The following TAF1D variants were observed in gnomAD, a reference collection of about 807,000 sequenced individuals.
TAF1D encodes the protein TATA box-binding protein-associated factor RNA polymerase I subunit D.
In TAF1D, 23 loss-of-function variants were observed where a neutral mutation model predicts 26.2. That is an observed-to-expected ratio of 0.88 (90% CI 0.63 to 1.25). TAF1D has a LOEUF of 1.25. TAF1D is among the 50% of genes most tolerant of loss of function. The pLI is 0.00. For synonymous variants in TAF1D, 100 were observed against 105.6 expected, an observed-to-expected ratio of 0.95 and a Z score of 0.33; for missense variants, 299 against 322.0, an observed-to-expected ratio of 0.93 and a Z score of 0.55.
chr11:93,739,993 CCTT>C (rs1410587442), intron 1 of TAF1D, among the ~76,000 whole-genome samples: 1 of 142,668 alleles, frequency 7.0e-6, no homozygotes, highest in Non-Finnish European at 1.5e-5. Flanking sequence ...GAAAAAGATT[CCTT>C]CTTGTGAGCT....
At chr11:93,730,238 T>C in exon 12 of TAF1D, 3 of 1,551,116 alleles carry the variant, frequency 1.9e-6, no homozygotes, top group South Asian at 1.2e-5. Flanking sequence ...CAGAAAACAC[T>C]AGAGAAACTT....
chr11:93,735,984 T>C lies in TAF1D; in HGVS notation c.*177A>G. ...TGGTTTTTTTTCTAATTATTACTAC[T>C]TCACAAGTTTCTTTCACAAACTTCT... On this transcript the variant is annotated 3_prime_UTR_variant, in exon 6 of 6. Coordinates refer to ENST00000448108, the MANE Select transcript of TAF1D (RefSeq NM_024116.4). 1 of 1,378,716 alleles carries C rather than the reference T, an allele frequency of 7.3e-7. No homozygotes were observed. The highest frequency in any genetic ancestry group is 9.3e-7 in the Non-Finnish European group (1 of 1,071,832). 85.4% of individuals were successfully genotyped at this position (1,378,716 alleles called of 1,614,324 possible). A position where few individuals can be genotyped will look rare whatever the true frequency, so the allele number is the denominator to read the frequency against.
chr11:93,735,216 A>C (rs767418374), downstream of TAF1D: 6 of 1,351,658 alleles, frequency 4.4e-6, no homozygotes, highest in Non-Finnish European at 5.9e-6. Context: ...TCCACGTTAA[A>C]CAAAAACATA....
chr11:93,736,440 G>A lies in TAF1D; in HGVS notation c.694-136C>T, dbSNP rs959198509. 3.5e-6 allele frequency: 5 copies of A among 1,421,308 alleles called. No homozygotes were observed. The Admixed American group carries it at 1.3e-4, about 38-fold the overall frequency. 88.0% of individuals were successfully genotyped at this position (1,421,308 alleles called of 1,614,324 possible). On this transcript the variant is annotated intron_variant, in intron 5 of 5. Transcript: ENST00000448108. The stretch of plus-strand genomic sequence containing the variant: ...GATGTTAAAAATCCAAATTAACATT[G>A]CTTATTTTTTCATTTGACATCCTAA...
In TAF1D at chr11:93,738,372, T is replaced by C; in HGVS notation, c.196A>G (p.Ser66Gly). The change falls in exon 3 of 6, where the codon AGT (serine) becomes GGT (glycine). Residue 66 changes from serine (S) to glycine (G), a missense_variant. By Grantham distance (56) the Ser-to-Gly change is moderately conservative. Transcript: ENST00000448108. The stretch of plus-strand genomic sequence containing the variant: ...GGTATTGGTTCAAAAGATGAGTCAC[T>C]TGATGAATCACTTGCGTGAACACTT... The part of the protein sequence containing the change: ...PESVHASDSS[S>G]DSSFEPIPLT... The C allele has an allele frequency of 6.2e-7, 1 of 1,613,992 alleles. No individual in the cohort carries two copies. Among genetic ancestry groups the C allele is most frequent in the Non-Finnish European group, 8.5e-7 (1 of 1,179,980 alleles).
chr11:93,730,548 T>C, exon 12 of TAF1D: 1 of 639,090 alleles, frequency 1.6e-6, no homozygotes, highest in Non-Finnish European at 2.9e-6. Flanking sequence ...GCACCAAACA[T>C]TAGGAGTGCT....
chr11:93,736,355 T>G, intron 5 of TAF1D, 51 bp from the exon 6 acceptor site: 1 of 1,545,552 alleles, frequency 6.5e-7, no homozygotes, highest in African/African-American at 1.4e-5. Flanking sequence ...TCAAATAGTT[T>G]AGTAATTACA....
At chr11:93,737,777 C>A (rs960858300) in intron 3 of TAF1D, among the ~76,000 whole-genome samples, 1 of 152,140 alleles carries the variant, frequency 6.6e-6, no homozygotes, top group Non-Finnish European at 1.5e-5. Flanking sequence ...TAGGTTACTG[C>A]AAAAGTAATT....
downstream of TAF1D, chr11:93,732,008 G>T (rs1939113651): frequency 1.9e-6 from 1 of 516,150 alleles, no homozygotes; most frequent in Non-Finnish European, 3.9e-6. Flanking sequence ...ATAGCAAAAT[G>T]TTACAGGTCT....
chr11:93,740,565 G>A (rs1225700396), intron 1 of TAF1D, among the ~76,000 whole-genome samples: 4 of 150,906 alleles, frequency 2.7e-5, no homozygotes, highest in Non-Finnish European at 5.9e-5. Flanking sequence ...GACCTGACAT[G>A]AGTCATTACA....
At position 93,736,272 on chromosome 11, in the gene TAF1D, A is replaced by G; in HGVS notation, c.726T>C (p.Pro242=). ...CTTCTAAGTATACACTCAGTCTTAC[A>G]GGGAATTCAGAACTTACTATGAAAC... The part of the protein sequence containing the change: ...GDSFIVSSEF[P]VRLSVYLEEE... The change falls in exon 6 of 6, where the codon CCT becomes CCC. Residue 242 remains proline, a synonymous_variant. Coordinates refer to ENST00000448108, the MANE Select transcript of TAF1D (RefSeq NM_024116.4). 2 of 1,611,690 alleles carry G rather than the reference A, an allele frequency of 1.2e-6. No individual in the cohort carries two copies. The highest frequency in any genetic ancestry group is 1.7e-6 in the Non-Finnish European group (2 of 1,179,436).
At chr11:93,730,868 A>C (rs953471070), downstream of TAF1D, 2 of 431,654 alleles carry the variant, frequency 4.6e-6, no homozygotes, top group Non-Finnish European at 9.0e-6. Context: ...AAGGCAAAGC[A>C]AATTTGCATG....
rs778900730 is a variant in TAF1D at position 93,736,245 on chromosome 11, T to C, written c.753A>G (p.Glu251=). Residue 251 remains glutamate, a synonymous_variant, in exon 6 of 6, where the codon GAA becomes GAG. Coordinates refer to ENST00000448108, the MANE Select transcript of TAF1D (RefSeq NM_024116.4). ...FPVRLSVYLE[E]EDITEEAALS... is the part of the protein sequence containing the mutation. ...AAGCAGCTTCTTCAGTAATATCCTC[T>C]TCTTCTAAGTATACACTCAGTCTTA... The C allele has an allele frequency of 2.5e-6, 4 of 1,613,264 alleles. No individual in the cohort carries two copies. Among genetic ancestry groups the C allele is most frequent in the Admixed American group, 3.3e-5 (2 of 59,870 alleles).
In TAF1D at chr11:93,741,474, T is replaced by G. The variant is rs1229265518; in HGVS notation, c.-180A>C. 2.2e-6 allele frequency: 1 copy of G among 456,096 alleles called. No individual in the cohort carries two copies. The highest frequency in any genetic ancestry group is 7.0e-5 in the East Asian group (1 of 14,372). The allele number at this position is 456,096 out of a possible 1,614,324, so 28.3% of individuals were successfully genotyped here. On this transcript the variant is annotated 5_prime_UTR_variant, in exon 1 of 6. Transcript: ENST00000448108. Reference sequence around the variant, plus strand: ...AACTCCCGATAACCAGCCGACCTCCTCCAACCGTGCGGAAGAAAAGGGTTG... The same window carrying G: ...AACTCCCGATAACCAGCCGACCTCCGCCAACCGTGCGGAAGAAAAGGGTTG...
chr11:93,732,688 GTC>G (rs758937789), downstream of TAF1D: 9 of 277,982 alleles, frequency 3.2e-5, no homozygotes, highest in Non-Finnish European at 5.8e-5. Context: ...TCTTTGCCCA[GTC>G]TCTCTATAAA....
At chr11:93,734,374 A>T (rs991868080), downstream of TAF1D, 1 of 275,496 alleles carries the variant, frequency 3.6e-6, no homozygotes, top group Non-Finnish European at 7.3e-6. Flanking sequence ...GTAGGCTTCA[A>T]GTAGGAAATC....
downstream of TAF1D, chr11:93,735,002 A>G: frequency 8.2e-7 from 1 of 1,213,540 alleles, no homozygotes; most frequent in Non-Finnish European, 1.1e-6. Context: ...GGTTTCAAGC[A>G]ATACTCCCAC....
chr11:93,733,729 C>G, downstream of TAF1D: 1 of 376,232 alleles, frequency 2.7e-6, no homozygotes, highest in South Asian at 2.2e-5. Flanking sequence ...AGGATCACAT[C>G]TCACTGTAGC....
rs1359944416 is a variant in TAF1D, at chr11:93,735,599, T to C, written c.*562A>G. The C allele has an allele frequency of 8.0e-6, 6 of 745,668 alleles. No homozygotes were observed. Among genetic ancestry groups the C allele is most frequent in the African/African-American group, 7.7e-5 (4 of 52,166 alleles). The allele number at this position is 745,668 out of a possible 1,614,324, so 46.2% of individuals were successfully genotyped here. ...GGCAGAATCGCTTGAACCCGGGAGA[T>C]GGAGGTTGCAGTAAGCCAAGACTGC... is the stretch of plus-strand genomic sequence containing the variant. On this transcript the variant is annotated 3_prime_UTR_variant, in exon 6 of 6. Coordinates refer to ENST00000448108, the MANE Select transcript of TAF1D (RefSeq NM_024116.4).
Sources: gnomAD v4.1 joint callset for allele counts (sites outside exome capture counted in the v4.1 genomes callset) on GRCh38, gnomAD v4.1.1 for gene constraint, MANE v1.5 for transcripts, NCBI Gene and HGNC (gene_info 2026-07-23, HGNC 2026-07-21) for gene names.